The following ZFAND4 variants were observed in gnomAD, a reference collection of about 807,000 sequenced individuals.
ZFAND4 encodes AN1-type zinc finger protein 4.
Under a neutral mutation model 64.4 loss-of-function variants are expected in ZFAND4, and 43 were observed. The observed-to-expected ratio is 0.67, with a 90% CI of 0.52 to 0.86. The LOEUF (loss-of-function observed/expected upper bound fraction) is 0.86, where lower values mean the gene tolerates loss of function less well. ZFAND4 is among the 40% of genes least tolerant of loss of function. ZFAND4 has a pLI of 0.00. For synonymous variants in ZFAND4, 296 were observed against 305.7 expected (o/e 0.97, Z 0.33); for missense variants, 929 against 859.8 (o/e 1.08, Z -1.01).
intron 6 of ZFAND4, among the ~76,000 whole-genome samples, chr10:45,629,188 G>A (rs540204592): frequency 1.2e-4 from 18 of 152,008 alleles, no homozygotes; most frequent in South Asian, 2.1e-4. Flanking sequence ...TCGATCCTCC[G>A]AGCAGCTGGG....
At chr10:45,632,980 T>C (rs1490744273) in intron 6 of ZFAND4, among the ~76,000 whole-genome samples, 3 of 152,084 alleles carry the variant, frequency 2.0e-5, no homozygotes, top group Admixed American at 6.6e-5. Context: ...GGGCCTGATA[T>C]CAGGCAAGGA....
chr10:45,623,523 T>G (rs1311440773), intron 8 of ZFAND4, among the ~76,000 whole-genome samples: 1 of 152,196 alleles, frequency 6.6e-6, no homozygotes, highest in Non-Finnish European at 1.5e-5. Context: ...TTTGAGGACA[T>G]TCTGATAAGT....
intron 1 of ZFAND4, among the ~76,000 whole-genome samples, chr10:45,665,819 A>G (rs2048789260): frequency 6.6e-6 from 1 of 152,214 alleles, no homozygotes; most frequent in African/African-American, 2.4e-5. Flanking sequence ...ATAGAATCAT[A>G]TATGATTTTT....
chr10:45,647,771 G>A (rs541395347), intron 5 of ZFAND4, among the ~76,000 whole-genome samples: 2 of 152,252 alleles, frequency 1.3e-5, no homozygotes, highest in South Asian at 2.1e-4. Flanking sequence ...ATAACTTGAA[G>A]TGAAAGGAGA....
At chr10:45,652,520 C>T (rs1457909841) in intron 3 of ZFAND4, among the ~76,000 whole-genome samples, 1 of 152,164 alleles carries the variant, frequency 6.6e-6, no homozygotes, top group African/African-American at 2.4e-5. Flanking sequence ...ATAAGAGAGA[C>T]AAAGTGTCAG....
chr10:45,648,206 G>T (rs2047520344), intron 5 of ZFAND4, 88 bp downstream of exon 5: 1 of 1,303,830 alleles, frequency 7.7e-7, no homozygotes, highest in South Asian at 1.7e-5. Context: ...TATATATTGG[G>T]GGCTGGGGCA....
At position 45,670,912 on chromosome 10, in the gene ZFAND4, A is replaced by G. The variant is rs534109792; in HGVS notation, c.-118+1338T>C. On this transcript the variant is annotated intron_variant, in intron 1 of 9. Coordinates refer to ENST00000344646, the MANE Select transcript of ZFAND4 (RefSeq NM_174890.4). ...TGAACAGGCAACCTACAGAATGGGA[A>G]AAAAATTTTGCAATCTACCCATCTG... is the stretch of plus-strand genomic sequence containing the variant. 3.9e-5 allele frequency among the ~76,000 whole-genome samples: 6 copies of G among 152,290 alleles called. No individual in the cohort carries two copies. In the East Asian group the frequency reaches 1.2e-3, roughly 29 times the overall value.
At chr10:45,656,156 G>A (rs1362541714) in intron 2 of ZFAND4, among the ~76,000 whole-genome samples, 14 of 152,106 alleles carry the variant, frequency 9.2e-5, no homozygotes, top group Admixed American at 2.6e-4. Context: ...GCTTGAACCC[G>A]GGAGGCGGAG....
chr10:45,655,266 A>G (rs1355515982), intron 2 of ZFAND4, among the ~76,000 whole-genome samples: 1 of 152,244 alleles, frequency 6.6e-6, no homozygotes, highest in Non-Finnish European at 1.5e-5. Context: ...TGGGTTAACA[A>G]TGAAATCAAG....
chr10:45,639,695 G>C, intron 6 of ZFAND4, 121 bp downstream of exon 6: 1 of 1,265,154 alleles, frequency 7.9e-7, no homozygotes, highest in Non-Finnish European at 1.1e-6. Flanking sequence ...AAATAACTGA[G>C]GCCAGAAACC....
chr10:45,629,344 G>A (rs1332276020), intron 6 of ZFAND4, among the ~76,000 whole-genome samples: 1 of 152,150 alleles, frequency 6.6e-6, no homozygotes, highest in Non-Finnish European at 1.5e-5. Flanking sequence ...TTATAGGCAT[G>A]AGCCACCACA....
At position 45,616,101 on chromosome 10, in the gene ZFAND4, G is replaced by T. The variant is rs183808566; in HGVS notation, c.*335C>A. The T allele has an allele frequency of 3.4e-5, 8 of 238,128 alleles. No individual in the cohort carries two copies. The highest frequency in any genetic ancestry group is 1.9e-4 in the African/African-American group (8 of 43,170). 14.8% of individuals were successfully genotyped at this position (238,128 alleles called of 1,614,324 possible). A position where few individuals can be genotyped will look rare whatever the true frequency, so the allele number is the denominator to read the frequency against. On this transcript the variant is annotated 3_prime_UTR_variant, in exon 10 of 10. Coordinates refer to ENST00000344646, the MANE Select transcript of ZFAND4 (RefSeq NM_174890.4). ...TCATTCTGTACAATGTGGAAGCCTG[G>T]TTATTTAGGAAATATTTCGTTTCCT... is the stretch of plus-strand genomic sequence containing the variant.
chr10:45,657,014 CTTTTT>C (rs199943085), intron 2 of ZFAND4, among the ~76,000 whole-genome samples: 4 of 137,242 alleles, frequency 2.9e-5, no homozygotes, highest in Non-Finnish European at 4.8e-5. Context: ...GCAACCTGAA[CTTTTT>C]TTTTTTTTTT....
At chr10:45,657,179 A>T (rs2048183359) in intron 2 of ZFAND4, among the ~76,000 whole-genome samples, 1 of 152,066 alleles carries the variant, frequency 6.6e-6, no homozygotes, top group African/African-American at 2.4e-5. Flanking sequence ...ACGCCCAGAA[A>T]AAATTTTTGT....
chr10:45,626,996 C>T lies in ZFAND4; in HGVS notation c.827G>A (p.Gly276Asp), dbSNP rs2045880541. 1.2e-6 allele frequency: 2 copies of T among 1,613,702 alleles called. No homozygotes were observed. Among genetic ancestry groups the T allele is most frequent in the African/African-American group, 1.3e-5 (1 of 75,026 alleles). The part of the protein sequence containing the change: ...HRLLRVLPNI[G>D]QSCSPAFGNA... Reference sequence around the variant, plus strand: ...CCCAAAAGCAGGTGAACAAGATTGACCAATGTTGGGGAGGACCCTTAACAA... The same window carrying T: ...CCCAAAAGCAGGTGAACAAGATTGATCAATGTTGGGGAGGACCCTTAACAA... The change falls in exon 7 of 10, where the codon GGT becomes GAT. Residue 276 changes from glycine (G) to aspartate (D), a missense_variant. By Grantham distance (94) the Gly-to-Asp change is moderately conservative. Transcript: ENST00000344646.
At chr10:45,656,522 A>G (rs12778934) in intron 2 of ZFAND4, among the ~76,000 whole-genome samples, 2 of 148,912 alleles carry the variant, frequency 1.3e-5, no homozygotes, top group South Asian at 2.1e-4. Context: ...AAAAAAAAAA[A>G]AAAGAAAAGA....
At chr10:45,653,274 A>G (rs1422401683) in intron 2 of ZFAND4, among the ~76,000 whole-genome samples, 2 of 152,214 alleles carry the variant, frequency 1.3e-5, no homozygotes, top group Non-Finnish European at 2.9e-5. Context: ...AAAGAACAGC[A>G]TGTTGCAATA....
intron 5 of ZFAND4, 156 bp from the exon 6 acceptor site, chr10:45,640,119 G>A (rs2133698657): frequency 3.9e-6 from 5 of 1,269,054 alleles, no homozygotes; most frequent in South Asian, 1.8e-5. Context: ...TTCAAAGAAT[G>A]TACTTCTTAA....
intron 2 of ZFAND4, among the ~76,000 whole-genome samples, chr10:45,661,776 A>G (rs1329591111): frequency 1.3e-5 from 2 of 151,928 alleles, no homozygotes; most frequent in African/African-American, 4.8e-5. Flanking sequence ...CCCCATCTCT[A>G]CTAAAAGTGC....
Sources: gnomAD v4.1 joint callset for allele counts (sites outside exome capture counted in the v4.1 genomes callset) on GRCh38, gnomAD v4.1.1 for gene constraint, MANE v1.5 for transcripts, NCBI Gene and HGNC (gene_info 2026-07-23, HGNC 2026-07-21) for gene names.